The following PATJ variants were observed in gnomAD, a reference collection of about 807,000 sequenced individuals.
PATJ encodes the protein PATJ crumbs cell polarity complex component, also known as inaD-like protein.
A neutral mutation model predicts 224.9 loss-of-function variants in PATJ; 190 were observed. That is an observed-to-expected ratio of 0.84 (90% CI 0.75 to 0.95). The LOEUF is 0.95. Ranked by LOEUF, PATJ falls within the 40% of genes least tolerant of loss-of-function variation. The pLI is 0.00. For missense variants in PATJ, 2,121 were observed against 2,270.3 expected (o/e 0.93, Z 1.34); for synonymous variants, 769 against 820.3 (o/e 0.94, Z 1.07).
At chr1:62,133,909 G>A (rs867946996) in intron 41 of PATJ, among the ~76,000 whole-genome samples, 1 of 151,990 alleles carries the variant, frequency 6.6e-6, no homozygotes, top group African/African-American at 2.4e-5. Flanking sequence ...ACCATGCCCG[G>A]CTAATTTTTG....
At chr1:61,987,245 T>C (rs1032589981) in intron 27 of PATJ, among the ~76,000 whole-genome samples, 2 of 152,194 alleles carry the variant, frequency 1.3e-5, no homozygotes, top group African/African-American at 4.8e-5. Context: ...CTTTGAGAGC[T>C]ATTGAAGTTT....
At chr1:62,126,258 C>T (rs1301142567) in intron 39 of PATJ, among the ~76,000 whole-genome samples, 3 of 152,154 alleles carry the variant, frequency 2.0e-5, no homozygotes, top group Admixed American at 6.5e-5. Flanking sequence ...TAGCATTCAC[C>T]GTACCTTTCC....
intron 20 of PATJ, among the ~76,000 whole-genome samples, chr1:61,868,260 T>C (rs569880760): frequency 5.8e-4 from 89 of 152,346 alleles, no homozygotes; most frequent in Non-Finnish European, 1.1e-3. Context: ...ACAGATCTTA[T>C]CATCCCACAC....
At chr1:62,084,028 C>T (rs751039114) in intron 32 of PATJ, among the ~76,000 whole-genome samples, 2 of 152,106 alleles carry the variant, frequency 1.3e-5, no homozygotes, top group African/African-American at 2.4e-5. Flanking sequence ...CCAAGGCGGG[C>T]GGATCACCTG....
intron 41 of PATJ, among the ~76,000 whole-genome samples, chr1:62,135,087 G>A (rs902859955): frequency 2.6e-5 from 4 of 152,058 alleles, no homozygotes; most frequent in Non-Finnish European, 5.9e-5. Context: ...CTGTTCCTGG[G>A]CCCCACCCCA....
At chr1:62,102,345 A>G (rs910340640) in intron 33 of PATJ, among the ~76,000 whole-genome samples, 5 of 152,202 alleles carry the variant, frequency 3.3e-5, no homozygotes, top group African/African-American at 1.2e-4. Context: ...GTCAGTCTTG[A>G]TCACCTATAA....
At chr1:62,107,111 C>A (rs1663165237) in intron 33 of PATJ, among the ~76,000 whole-genome samples, 1 of 152,032 alleles carries the variant, frequency 6.6e-6, no homozygotes, top group Non-Finnish European at 1.5e-5. Flanking sequence ...TTGAGACCAT[C>A]CTGGCTAACA....
chr1:61,859,474 C>G (rs1664208446), intron 18 of PATJ, among the ~76,000 whole-genome samples: 1 of 152,026 alleles, frequency 6.6e-6, no homozygotes, highest in South Asian at 2.1e-4. Context: ...TCTGGGAAAA[C>G]TGCTCATGAG....
At chr1:62,131,693 A>G (rs1666280572) in intron 41 of PATJ, among the ~76,000 whole-genome samples, 1 of 152,032 alleles carries the variant, frequency 6.6e-6, no homozygotes, top group Non-Finnish European at 1.5e-5. Context: ...AGGATGAGGC[A>G]GGAAGATCAC....
intron 17 of PATJ, among the ~76,000 whole-genome samples, chr1:61,848,292 C>A (rs1223696335): frequency 6.6e-6 from 1 of 152,188 alleles, no homozygotes; most frequent in Non-Finnish European, 1.5e-5. Flanking sequence ...CTCATCTTAA[C>A]ACTAATGGGC....
intron 27 of PATJ, among the ~76,000 whole-genome samples, chr1:61,946,907 T>C (rs1009980264): frequency 6.6e-6 from 1 of 152,136 alleles, no homozygotes; most frequent in Non-Finnish European, 1.5e-5. Flanking sequence ...GCAAGGCTGG[T>C]TCAACATATG....
chr1:62,114,311 C>G, intron 35 of PATJ, 65 bp downstream of exon 35: 1 of 1,372,794 alleles, frequency 7.3e-7, no homozygotes, highest in Non-Finnish European at 1.0e-6. Flanking sequence ...CCTGTGAACA[C>G]TGAAAGAGAA....
At chr1:61,954,893 A>G (rs1680227347) in intron 27 of PATJ, among the ~76,000 whole-genome samples, 1 of 151,826 alleles carries the variant, frequency 6.6e-6, no homozygotes. Flanking sequence ...AGCTGGGACT[A>G]CAGGTGCCTG....
At chr1:61,799,002 C>T (rs1242730276) in intron 11 of PATJ, among the ~76,000 whole-genome samples, 2 of 151,996 alleles carry the variant, frequency 1.3e-5, no homozygotes, top group East Asian at 3.9e-4. Flanking sequence ...TACAATACAC[C>T]TGGAAGCCTT....
At chr1:61,863,721 T>C (rs1201855151) in intron 19 of PATJ, among the ~76,000 whole-genome samples, 3 of 152,230 alleles carry the variant, frequency 2.0e-5, no homozygotes, top group African/African-American at 7.2e-5. Flanking sequence ...TTTTATATTA[T>C]AAAAGAGTCA....
intron 20 of PATJ, among the ~76,000 whole-genome samples, chr1:61,865,062 A>G (rs920506659): frequency 2.6e-5 from 4 of 151,654 alleles, no homozygotes; most frequent in African/African-American, 9.7e-5. Context: ...GGTCACCCAC[A>G]TTTTTCTCTG....
intron 22 of PATJ, among the ~76,000 whole-genome samples, chr1:61,897,944 C>T (rs940664728): frequency 6.6e-6 from 1 of 152,062 alleles, no homozygotes; most frequent in Middle Eastern, 3.2e-3. Context: ...TGTAATGATC[C>T]TAATTTCTTA....
intron 28 of PATJ, among the ~76,000 whole-genome samples, chr1:62,002,272 GA>G (rs1350298395): frequency 6.6e-6 from 1 of 152,120 alleles, no homozygotes; most frequent in Non-Finnish European, 1.5e-5. Context: ...CAAAAGTACA[GA>G]AACACCAACC....
In PATJ at chr1:62,163,568, TGAAG is replaced by T. The variant is rs1669984718; in HGVS notation, c.*2518_*2521del. ...GGTCGTGCTAGTAAAAGTATATTGA[TGAAG>T]GAATTATGATGCTTTATACTTCTTA... On this transcript the variant is annotated 3_prime_UTR_variant, in exon 44 of 44. Transcript: ENST00000642238. The T allele has an allele frequency of 6.6e-6, 1 of 152,636 alleles. No homozygotes were observed. Among genetic ancestry groups the T allele is most frequent in the East Asian group, 1.9e-4 (1 of 5,200 alleles). The allele number at this position is 152,636 out of a possible 1,614,324, so 9.5% of individuals were successfully genotyped here.
Sources: allele counts gnomAD v4.1 joint callset (sites outside exome capture counted in the v4.1 genomes callset), GRCh38; gene constraint gnomAD v4.1.1; transcripts MANE v1.5; gene names NCBI Gene and HGNC (gene_info 2026-07-23, HGNC 2026-07-21).